Variants in SHMT1 observed in about 807,000 individuals in gnomAD.
SHMT1 encodes the protein serine hydroxymethyltransferase 1, also known as serine hydroxymethyltransferase, cytosolic.
SHMT1 carries 45 observed loss-of-function variants against 49.0 expected under a neutral mutation model. That is an observed-to-expected ratio of 0.92 (90% CI 0.72 to 1.18). The LOEUF (loss-of-function observed/expected upper bound fraction) is 1.18, where lower values mean the gene tolerates loss of function less well. Ranked by LOEUF, SHMT1 falls within the 50% of genes most tolerant of loss-of-function variation. SHMT1 has a pLI of 0.00. For missense variants in SHMT1, 541 were observed against 612.4 expected (o/e 0.88, Z 1.23); for synonymous variants, 232 against 246.6 (o/e 0.94, Z 0.55).
At chr17:18,335,477 G>A (rs1415953691) in intron 8 of SHMT1, 82 bp downstream of exon 8, 5 of 947,618 alleles carry the variant, frequency 5.3e-6, no homozygotes, top group Non-Finnish European at 8.6e-6. Flanking sequence ...CCCCAGCGTG[G>A]AAGTCCTGGC....
chr17:18,358,191 T>G (rs1986432293), intron 1 of SHMT1, among the ~76,000 whole-genome samples: 1 of 146,680 alleles, frequency 6.8e-6, no homozygotes, highest in Non-Finnish European at 1.5e-5. Flanking sequence ...AAAACGACGT[T>G]AGAAAAGTGA....
intron 5 of SHMT1, among the ~76,000 whole-genome samples, chr17:18,342,026 A>G (rs1240385533): frequency 1.3e-5 from 2 of 152,194 alleles, no homozygotes; most frequent in East Asian, 3.8e-4. Context: ...TCAATTCCAT[A>G]TTCAGCAATC....
chr17:18,347,795 C>CA, intron 4 of SHMT1, 139 bp from the exon 5 acceptor site: 1 of 867,714 alleles, frequency 1.2e-6, no homozygotes, highest in Non-Finnish European at 1.8e-6. Context: ...GGAGGTGCCC[C>CA]TTCACCACCA....
chr17:18,333,157 T>C lies in SHMT1; in HGVS notation c.1054+9A>G. On this transcript the variant is annotated intron_variant, in intron 9 of 11. Transcript: ENST00000316694. ...GAACAGGCCTGCTGAACACCATCTG[T>C]GTCTCTACCTGTGACTATTTTGTAG... 6.2e-7 allele frequency: 1 copy of C among 1,613,984 alleles called. No individual in the cohort carries two copies. Among genetic ancestry groups the C allele is most frequent in the East Asian group, 2.2e-5 (1 of 44,880 alleles).
chr17:18,360,142 G>A (rs1051241496), intron 1 of SHMT1, among the ~76,000 whole-genome samples: 85 of 151,486 alleles, frequency 5.6e-4, no homozygotes, highest in African/African-American at 1.9e-3. Context: ...CCAGCTATGC[G>A]GGAGGCTGAG....
At chr17:18,353,879 C>T in intron 2 of SHMT1, 62 bp from the exon 3 acceptor site, 1 of 1,439,768 alleles carries the variant, frequency 6.9e-7, no homozygotes, top group Non-Finnish European at 9.8e-7. Context: ...TTGCTCTGAT[C>T]CAAATTACAA....
At chr17:18,360,225 G>C (rs1326163146) in intron 1 of SHMT1, among the ~76,000 whole-genome samples, 1 of 151,846 alleles carries the variant, frequency 6.6e-6, no homozygotes, top group African/African-American at 2.4e-5. Context: ...CTCCAGCCTG[G>C]GTGACAGAGC....
chr17:18,338,466 G>A (rs1174934541), intron 7 of SHMT1, among the ~76,000 whole-genome samples: 14 of 138,518 alleles, frequency 1.0e-4, no homozygotes, highest in Admixed American at 4.2e-4. Flanking sequence ...CTGCCCGGCC[G>A]CCCCTTCTGG....
At position 18,357,774 on chromosome 17, in the gene SHMT1, G is replaced by A. The variant is rs1029250067; in HGVS notation, c.-19-1774C>T. Among the ~76,000 whole-genome samples, 4 of 151,410 alleles carry A rather than the reference G, an allele frequency of 2.6e-5. No individual in the cohort carries two copies. In the East Asian group the frequency reaches 5.8e-4, roughly 22 times the overall value. The stretch of plus-strand genomic sequence containing the variant: ...ACCCCAGCACTTTGGGAGGCCAGGA[G>A]TTCAAGACCAGCCTGGGCATTGCTA... On this transcript the variant is annotated intron_variant, in intron 1 of 11. Coordinates refer to ENST00000316694, the MANE Select transcript of SHMT1 (RefSeq NM_004169.5).
chr17:18,329,963 G>A (rs1402631587), intron 10 of SHMT1, among the ~76,000 whole-genome samples: 1 of 152,144 alleles, frequency 6.6e-6, no homozygotes, highest in Non-Finnish European at 1.5e-5. Flanking sequence ...CTGGGTTCAA[G>A]CAATTCTTCT....
intron 1 of SHMT1, among the ~76,000 whole-genome samples, chr17:18,357,864 C>CTTTT (rs1165307729): frequency 8.2e-6 from 1 of 121,464 alleles, no homozygotes; most frequent in African/African-American, 3.2e-5. Context: ...AGCTAGGACT[C>CTTTT]TTTTTTTTTT....
intron 7 of SHMT1, among the ~76,000 whole-genome samples, chr17:18,336,721 G>C (rs1388711088): frequency 6.6e-6 from 1 of 152,072 alleles, no homozygotes; most frequent in Non-Finnish European, 1.5e-5. Context: ...GAGGTGGGAG[G>C]ATCACTTGAA....
At chr17:18,362,315 TC>T (rs887459011) in intron 1 of SHMT1, among the ~76,000 whole-genome samples, 58 of 152,288 alleles carry the variant, frequency 3.8e-4, no homozygotes, top group African/African-American at 1.3e-3. Flanking sequence ...TTTTTTCTTT[TC>T]TTTCTCTCTC....
At position 18,328,672 on chromosome 17, in the gene SHMT1, A is replaced by C. The variant is rs763924595; in HGVS notation, c.*78T>G. 1 of 1,482,136 alleles carries C rather than the reference A, an allele frequency of 6.7e-7. No homozygotes were observed. The highest frequency in any genetic ancestry group is 9.2e-7 in the Non-Finnish European group (1 of 1,091,518). 91.8% of individuals were successfully genotyped at this position (1,482,136 alleles called of 1,614,324 possible). On this transcript the variant is annotated 3_prime_UTR_variant, in exon 12 of 12. Transcript: ENST00000316694. Reference sequence around the variant, plus strand: ...CAACAGTTCCCCTTTGGAGCAGCTCATCCATCTCTCAGGTGGGGGTCCTCC... The same window carrying C: ...CAACAGTTCCCCTTTGGAGCAGCTCCTCCATCTCTCAGGTGGGGGTCCTCC...
chr17:18,357,890 G>A (rs1235529115), intron 1 of SHMT1, among the ~76,000 whole-genome samples: 1 of 136,616 alleles, frequency 7.3e-6, no homozygotes, highest in Non-Finnish European at 1.5e-5. Flanking sequence ...TTGAGACAGA[G>A]TCTCACTCTG....
intron 5 of SHMT1, among the ~76,000 whole-genome samples, chr17:18,344,494 T>C (rs1984866084): frequency 6.7e-6 from 1 of 149,908 alleles, no homozygotes; most frequent in Non-Finnish European, 1.5e-5. Flanking sequence ...TAGTGAGATC[T>C]TGTTCTCCAC....
chr17:18,328,970 T>C, intron 11 of SHMT1, 51 bp from the exon 12 acceptor site: 1 of 1,607,842 alleles, frequency 6.2e-7, no homozygotes, highest in Non-Finnish European at 8.5e-7. Context: ...CCAAAGGGGG[T>C]ACAATGGCTG....
At chr17:18,361,455 G>T (rs1986764926) in intron 1 of SHMT1, among the ~76,000 whole-genome samples, 2 of 150,874 alleles carry the variant, frequency 1.3e-5, no homozygotes, top group African/African-American at 2.4e-5. Flanking sequence ...TCCAGCCTGG[G>T]TGACAGAGCT....
At chr17:18,328,987 G>A (rs1189111796) in intron 11 of SHMT1, 68 bp from the exon 12 acceptor site, 76 of 1,585,558 alleles carry the variant, frequency 4.8e-5, no homozygotes, top group Admixed American at 1.0e-4. Flanking sequence ...GCTGGGGGCC[G>A]AGGCACAAAT....
Sources: allele counts gnomAD v4.1 joint callset (sites outside exome capture counted in the v4.1 genomes callset), GRCh38; gene constraint gnomAD v4.1.1; transcripts MANE v1.5; gene names NCBI Gene and HGNC (gene_info 2026-07-23, HGNC 2026-07-21).